ST6GALNAC2: variants seen among roughly 807,000 people sequenced by gnomAD.
The protein encoded by ST6GALNAC2 is alpha-N-acetylgalactosaminide alpha-2,6-sialyltransferase 2.
In ST6GALNAC2, 42 loss-of-function variants were observed where a neutral mutation model predicts 38.7. The ratio of observed to expected loss-of-function variants is 1.09; its 90% confidence interval spans 0.85 to 1.40. ST6GALNAC2 has a LOEUF of 1.40. Ranked by LOEUF, ST6GALNAC2 falls within the 40% of genes most tolerant of loss-of-function variation. The probability of loss-of-function intolerance (pLI) is 0.00; values close to 1 mark genes in which losing one functional copy is unlikely to be tolerated. For missense variants in ST6GALNAC2, 506 were observed against 481.7 expected (o/e 1.05, Z -0.47); for synonymous variants, 233 against 209.0 (o/e 1.11, Z -0.99).
Position 76,566,190 on chromosome 17 carries a change from A to G in ST6GALNAC2, c.1039T>C (p.Phe347Leu), listed in dbSNP as rs1395979783. Residue 347 changes from phenylalanine (F) to leucine (L), a missense_variant, in exon 9 of 9, where the codon TTT becomes CTT. Coordinates refer to ENST00000225276, the MANE Select transcript of ST6GALNAC2 (RefSeq NM_006456.3). ...AGGGACAGATCGTGGTTTGCATAAA[A>G]TATCAATGGCTTCATTTTTCGTTCG... ...YFERKMKPLIFYANHDLSLEA... is the reference protein window; with the variant it reads ...YFERKMKPLILYANHDLSLEA... 6.2e-7 allele frequency: 1 copy of G among 1,614,040 alleles called. No homozygotes were observed. Among genetic ancestry groups the G allele is most frequent in the Non-Finnish European group, 8.5e-7 (1 of 1,180,046 alleles).
chr17:76,573,217 C>T lies in ST6GALNAC2; in HGVS notation c.508G>A (p.Asp170Asn), dbSNP rs1180924464. 9.9e-6 allele frequency: 16 copies of T among 1,612,792 alleles called. No individual in the cohort carries two copies. Among genetic ancestry groups the T allele is most frequent in the East Asian group, 6.7e-5 (3 of 44,858 alleles). Residue 170 changes from aspartate to asparagine, a missense_variant, in exon 4 of 9, where the codon GAT becomes AAT. By Grantham distance (23) the Asp-to-Asn change is conservative (BLOSUM62 1). Coordinates refer to ENST00000225276, the MANE Select transcript of ST6GALNAC2 (RefSeq NM_006456.3). This position sits in a 1 kb window ranked among gnomAD's most constrained non-coding sequence, Gnocchi z 5.1. ...TACCTGAATACATAGTCATGGGCATCGATGTTGGGACCCTGGCGGGACCCA... is the reference window on the plus strand; with the variant it reads ...TACCTGAATACATAGTCATGGGCATTGATGTTGGGACCCTGGCGGGACCCA... The part of the protein sequence containing the change: ...LNGSRQGPNI[D>N]AHDYVFRLNG...
At chr17:76,577,573 A>AT (rs71158024) in intron 2 of ST6GALNAC2, among the ~76,000 whole-genome samples, 8,240 of 117,098 alleles carry the variant, frequency 0.07, 450 homozygotes, top group African/African-American at 0.12. Flanking sequence ...TGGCCTCTGT[A>AT]TTTTTTTTTT....
intron 6 of ST6GALNAC2, 168 bp downstream of exon 6, chr17:76,570,397 A>C (rs1248482383): frequency 1.7e-6 from 1 of 591,770 alleles, no homozygotes; most frequent in East Asian, 2.8e-5. Context: ...AGAATTTCCC[A>C]GTGCTGTTAT....
chr17:76,581,265 T>C (rs1432048622), intron 1 of ST6GALNAC2, among the ~76,000 whole-genome samples: 1 of 152,170 alleles, frequency 6.6e-6, no homozygotes, highest in African/African-American at 2.4e-5. Flanking sequence ...CCGTAGTTCC[T>C]GCTCATGAGC....
intron 7 of ST6GALNAC2, 117 bp from the exon 8 acceptor site, chr17:76,567,669 A>T: frequency 3.1e-6 from 2 of 650,718 alleles, no homozygotes; most frequent in East Asian, 2.9e-5. Context: ...TACTCCAGTC[A>T]GTTCTTTATT....
In ST6GALNAC2 at chr17:76,568,764, G is replaced by C. The variant is rs768646261; in HGVS notation, c.806C>G (p.Ala269Gly). 25 of 1,613,424 alleles carry C rather than the reference G, an allele frequency of 1.5e-5. No individual in the cohort carries two copies. The highest frequency in any genetic ancestry group is 5.0e-5 in the Admixed American group (3 of 59,958). ...PHAYFGPEAS[A>G]SKFKLLHPDF... Reference sequence around the variant, plus strand: ...CGGATGTAGCAGCTTGAATTTACTGGCAGAGGCTTCTGGTCCAAAATAGGC... The same window carrying C: ...CGGATGTAGCAGCTTGAATTTACTGCCAGAGGCTTCTGGTCCAAAATAGGC... Residue 269 changes from alanine (A) to glycine (G), a missense_variant, in exon 7 of 9, where the codon GCC becomes GGC. Physicochemically the swap from Ala to Gly is moderately conservative, Grantham distance 60. Transcript: ENST00000225276.
In ST6GALNAC2 at chr17:76,565,748, C is replaced by T. The variant is rs2075272038; in HGVS notation, c.*356G>A. 2 of 198,482 alleles carry T rather than the reference C, an allele frequency of 1.0e-5. No individual in the cohort carries two copies. Among genetic ancestry groups the T allele is most frequent in the Admixed American group, 1.1e-4 (2 of 18,480 alleles). The allele number at this position is 198,482 out of a possible 1,614,324, so 12.3% of individuals were successfully genotyped here. On this transcript the variant is annotated 3_prime_UTR_variant, in exon 9 of 9. Coordinates refer to ENST00000225276, the MANE Select transcript of ST6GALNAC2 (RefSeq NM_006456.3). ...TTAGCATCTGGGGTAGGATGTGCCACCAGGAGGATTTGGGCTGGAGCGTGT... is the reference window on the plus strand; with the variant it reads ...TTAGCATCTGGGGTAGGATGTGCCATCAGGAGGATTTGGGCTGGAGCGTGT...
intron 8 of ST6GALNAC2, 56 bp from the exon 9 acceptor site, chr17:76,566,327 A>T (rs1350476821): frequency 3.8e-6 from 6 of 1,573,500 alleles, no homozygotes; most frequent in Non-Finnish European, 4.4e-6. Flanking sequence ...GTGTACAGAC[A>T]CTTGGGTGAA....
At chr17:76,575,926 A>G (rs1488448456) in intron 2 of ST6GALNAC2, among the ~76,000 whole-genome samples, 1 of 152,218 alleles carries the variant, frequency 6.6e-6, no homozygotes, top group African/African-American at 2.4e-5. Context: ...AAATATCACC[A>G]TGCTATGCAA....
Position 76,573,390 on chromosome 17 carries a change from TGAG to T in ST6GALNAC2, c.362-30_362-28del, listed in dbSNP as rs914123219. On this transcript the variant is annotated intron_variant, in intron 3 of 8. Transcript: ENST00000225276. This position sits in a 1 kb window ranked among gnomAD's most constrained non-coding sequence, Gnocchi z 5.1. ...TGTGGGTGCAGATGGGGAGCAGCCA[TGAG>T]GAGGGCTGGCATCGGGGGCACCTGG... The T allele has an allele frequency of 6.7e-7, 1 of 1,490,224 alleles. No individual in the cohort carries two copies. Among genetic ancestry groups the T allele is most frequent in the Non-Finnish European group, 9.0e-7 (1 of 1,117,222 alleles). 92.3% of individuals were successfully genotyped at this position (1,490,224 alleles called of 1,614,324 possible). A position where few individuals can be genotyped will look rare whatever the true frequency, so the allele number is the denominator to read the frequency against.
chr17:76,582,145 G>A lies in ST6GALNAC2; in HGVS notation c.126-3329C>T, dbSNP rs375049023. The stretch of plus-strand genomic sequence containing the variant: ...CTCCCAAAGTACTGGGGTTACAAGC[G>A]TGAGCCACCGTGCCCAGCCTTTTTT... On this transcript the variant is annotated intron_variant, in intron 1 of 8. Coordinates refer to ENST00000225276, the MANE Select transcript of ST6GALNAC2 (RefSeq NM_006456.3). 2.1e-4 allele frequency among the ~76,000 whole-genome samples: 30 copies of A among 145,244 alleles called. No individual in the cohort carries two copies. The East Asian group carries it at 2.7e-3, about 13-fold the overall frequency.
intron 5 of ST6GALNAC2, among the ~76,000 whole-genome samples, chr17:76,571,994 T>G (rs1029425974): frequency 6.6e-6 from 1 of 152,128 alleles, no homozygotes; most frequent in Non-Finnish European, 1.5e-5. Flanking sequence ...CCACACATCA[T>G]TCTTCCAGGG....
intron 5 of ST6GALNAC2, among the ~76,000 whole-genome samples, chr17:76,571,794 G>T (rs768360175): frequency 6.6e-6 from 1 of 152,124 alleles, no homozygotes; most frequent in South Asian, 2.1e-4. Context: ...TAACCCTGTG[G>T]CTGTGGCACC....
intron 1 of ST6GALNAC2, among the ~76,000 whole-genome samples, chr17:76,582,065 C>T (rs968098249): frequency 1.3e-5 from 2 of 151,406 alleles, no homozygotes; most frequent in Middle Eastern, 3.4e-3. Flanking sequence ...ACGAGTTTCA[C>T]CATGTTGGCC....
At chr17:76,578,574 C>A (rs2075442831) in intron 2 of ST6GALNAC2, among the ~76,000 whole-genome samples, 182 bp downstream of exon 2, 1 of 152,184 alleles carries the variant, frequency 6.6e-6, no homozygotes, top group Admixed American at 6.5e-5. Context: ...TGTTGGGCCA[C>A]AAGAAACCCT....
At chr17:76,567,661 CTCCAG>C in intron 7 of ST6GALNAC2, 109 bp from the exon 8 acceptor site, 1 of 709,784 alleles carries the variant, frequency 1.4e-6, no homozygotes, top group South Asian at 1.6e-5. Flanking sequence ...GGGCCTTCTA[CTCCAG>C]TCAGTTCTTT....
chr17:76,585,607 G>A, intron 1 of ST6GALNAC2, 77 bp downstream of exon 1: 3 of 1,405,960 alleles, frequency 2.1e-6, no homozygotes, highest in Non-Finnish European at 2.8e-6. Context: ...CGGGCCGCCG[G>A]GGAGCCCTGG....
chr17:76,582,208 G>C (rs1225965204), intron 1 of ST6GALNAC2, among the ~76,000 whole-genome samples: 1 of 91,836 alleles, frequency 1.1e-5, no homozygotes, highest in African/African-American at 4.4e-5. Flanking sequence ...GTCTCACTTT[G>C]TCACTCAGGC....
intron 1 of ST6GALNAC2, among the ~76,000 whole-genome samples, chr17:76,583,409 G>A (rs1380387989): frequency 2.7e-5 from 4 of 146,378 alleles, no homozygotes; most frequent in African/African-American, 7.5e-5. Flanking sequence ...TTACTTGGGA[G>A]GCTGAGGTGG....
Sources: gnomAD v4.1 joint callset for allele counts (sites outside exome capture counted in the v4.1 genomes callset) on GRCh38, gnomAD v4.1.1 for gene constraint, Gnocchi (gnomAD v3.1) non-coding constraint, MANE v1.5 for transcripts, NCBI Gene and HGNC (gene_info 2026-07-23, HGNC 2026-07-21) for gene names.